The following MARCHF4 variants were observed in gnomAD, a reference collection of about 807,000 sequenced individuals.
MARCHF4 encodes the protein membrane associated ring-CH-type finger 4.
Under a neutral mutation model 43.9 loss-of-function variants are expected in MARCHF4, and 14 were observed. The observed-to-expected ratio is 0.32, with a 90% CI of 0.21 to 0.50. The LOEUF (loss-of-function observed/expected upper bound fraction) is 0.50. Ranked by LOEUF, MARCHF4 falls within the 20% of genes least tolerant of loss-of-function variation. The pLI is 0.98. For missense variants in MARCHF4, 468 were observed against 536.7 expected (o/e 0.87, Z 1.27); for synonymous variants, 226 against 213.3 (o/e 1.06, Z -0.52).
intron 1 of MARCHF4, among the ~76,000 whole-genome samples, chr2:216,312,089 C>T (rs1360060510): frequency 1.3e-5 from 2 of 152,090 alleles, no homozygotes; most frequent in Non-Finnish European, 2.9e-5. Context: ...AAATAGTGAA[C>T]ATTGTGTCCA....
intron 2 of MARCHF4, 79 bp from the exon 3 acceptor site, chr2:216,277,943 C>A: frequency 1.5e-6 from 2 of 1,313,310 alleles, no homozygotes; most frequent in Non-Finnish European, 2.1e-6. Flanking sequence ...TCTGCTGCTC[C>A]AACAGCTCAC....
At chr2:216,359,769 G>A (rs557113657) in intron 1 of MARCHF4, among the ~76,000 whole-genome samples, 1 of 152,306 alleles carries the variant, frequency 6.6e-6, no homozygotes, top group Admixed American at 6.5e-5. Flanking sequence ...CTCTAAAAAC[G>A]AAGTAGTACC....
intron 1 of MARCHF4, among the ~76,000 whole-genome samples, chr2:216,341,516 G>T (rs893884665): frequency 3.3e-5 from 5 of 152,202 alleles, no homozygotes; most frequent in African/African-American, 1.2e-4. Flanking sequence ...CAAAGGAAGG[G>T]GAGGGCAAGG....
At chr2:216,327,084 C>T (rs891621099) in intron 1 of MARCHF4, among the ~76,000 whole-genome samples, 25 of 152,172 alleles carry the variant, frequency 1.6e-4, no homozygotes, top group African/African-American at 5.8e-4. Context: ...TACTAAGTGA[C>T]TGATACAGGT....
chr2:216,297,699 A>G (rs909369189), intron 1 of MARCHF4, among the ~76,000 whole-genome samples: 44 of 152,174 alleles, frequency 2.9e-4, no homozygotes, highest in African/African-American at 1.0e-3. Context: ...TATTTTTAGT[A>G]GAGACAGGGT....
chr2:216,265,145 T>C (rs1690824165), intron 3 of MARCHF4, among the ~76,000 whole-genome samples: 1 of 152,168 alleles, frequency 6.6e-6, no homozygotes, highest in Non-Finnish European at 1.5e-5. Flanking sequence ...GAAAGGCTGC[T>C]GGTGAACAGA....
At chr2:216,341,922 A>C (rs1692244002) in intron 1 of MARCHF4, among the ~76,000 whole-genome samples, 1 of 152,190 alleles carries the variant, frequency 6.6e-6, no homozygotes, top group Non-Finnish European at 1.5e-5. Flanking sequence ...CGGCAATATT[A>C]AATATCAGCC....
chr2:216,258,130 G>A lies in MARCHF4; in HGVS notation c.*1182C>T, dbSNP rs1204133149. 1 of 152,174 alleles carries A rather than the reference G, an allele frequency of 6.6e-6. No homozygotes were observed. Among genetic ancestry groups the A allele is most frequent in the Admixed American group, 6.5e-5 (1 of 15,272 alleles). 9.4% of individuals were successfully genotyped at this position (152,174 alleles called of 1,614,324 possible). A position where few individuals can be genotyped will look rare whatever the true frequency, so the allele number is the denominator to read the frequency against. ...CACCCTTGGGCCCACCTGGCTACGCGGGAAGGAGCAGGGAGCACAAAGCAC... is the reference window on the plus strand; with the variant it reads ...CACCCTTGGGCCCACCTGGCTACGCAGGAAGGAGCAGGGAGCACAAAGCAC... On this transcript the variant is annotated 3_prime_UTR_variant, in exon 4 of 4. Transcript: ENST00000273067.
intron 1 of MARCHF4, among the ~76,000 whole-genome samples, chr2:216,315,918 G>A (rs571699649): frequency 4.2e-4 from 64 of 152,234 alleles, no homozygotes; most frequent in Admixed American, 7.2e-4. Context: ...CATCTATTTC[G>A]CTTCCTGGGA....
At chr2:216,351,785 C>T (rs1227872058) in intron 1 of MARCHF4, among the ~76,000 whole-genome samples, 8 of 152,194 alleles carry the variant, frequency 5.3e-5, no homozygotes, top group Non-Finnish European at 1.5e-5. Flanking sequence ...GAAGGAAGGT[C>T]CCTTTCTCAA....
chr2:216,315,620 G>A (rs1691761097), intron 1 of MARCHF4, among the ~76,000 whole-genome samples: 1 of 152,174 alleles, frequency 6.6e-6, no homozygotes, highest in Non-Finnish European at 1.5e-5. Flanking sequence ...AAGATGTTGA[G>A]TAGAAAAGTG....
chr2:216,295,069 T>C (rs1352626745), intron 1 of MARCHF4, among the ~76,000 whole-genome samples: 1 of 152,136 alleles, frequency 6.6e-6, no homozygotes, highest in Non-Finnish European at 1.5e-5. Context: ...CTAGGTATTG[T>C]CCTGAGCACC....
chr2:216,304,944 A>G (rs1691558591), intron 1 of MARCHF4, among the ~76,000 whole-genome samples: 1 of 151,764 alleles, frequency 6.6e-6, no homozygotes, highest in African/African-American at 2.4e-5. Flanking sequence ...ACACAGTGAG[A>G]CTCCGTCTCA....
At chr2:216,281,474 T>C (rs536378028) in intron 2 of MARCHF4, among the ~76,000 whole-genome samples, 81 of 152,314 alleles carry the variant, frequency 5.3e-4, no homozygotes, top group African/African-American at 1.7e-3. Context: ...TCCCATCCAT[T>C]GCTCCGCCCA....
intron 3 of MARCHF4, among the ~76,000 whole-genome samples, chr2:216,276,928 G>A (rs1559087594): frequency 1.3e-5 from 2 of 152,168 alleles, no homozygotes; most frequent in African/African-American, 4.8e-5. Context: ...TAAACTTGGG[G>A]ATGGGGTCAG....
At chr2:216,369,026 T>G (rs891749380) in intron 1 of MARCHF4, among the ~76,000 whole-genome samples, 1 of 152,202 alleles carries the variant, frequency 6.6e-6, no homozygotes, top group Non-Finnish European at 1.5e-5. Flanking sequence ...ACACACTTTT[T>G]AGGTCTGAAA....
In MARCHF4 at chr2:216,259,285, C is replaced by A; in HGVS notation, c.*27G>T. 6.6e-7 allele frequency: 1 copy of A among 1,515,984 alleles called. No individual in the cohort carries two copies. The highest frequency in any genetic ancestry group is 1.3e-5 in the South Asian group (1 of 74,940). 93.9% of individuals were successfully genotyped at this position (1,515,984 alleles called of 1,614,324 possible). A position where few individuals can be genotyped will look rare whatever the true frequency, so the allele number is the denominator to read the frequency against. On this transcript the variant is annotated 3_prime_UTR_variant, in exon 4 of 4. Coordinates refer to ENST00000273067, the MANE Select transcript of MARCHF4 (RefSeq NM_020814.3). ...CCTGCTCCGGGCCCTCAGTGGTGGTCATGGCCTTCCTTCCGGGCCTCTGCT... is the reference window on the plus strand; with the variant it reads ...CCTGCTCCGGGCCCTCAGTGGTGGTAATGGCCTTCCTTCCGGGCCTCTGCT...
chr2:216,275,335 G>A (rs1445654480), intron 3 of MARCHF4, among the ~76,000 whole-genome samples: 8 of 152,184 alleles, frequency 5.3e-5, no homozygotes, highest in Non-Finnish European at 1.0e-4. Flanking sequence ...GCCAGGCTGA[G>A]CGGGAGTGCT....
chr2:216,350,534 C>G (rs1248415957), intron 1 of MARCHF4, among the ~76,000 whole-genome samples: 1 of 152,000 alleles, frequency 6.6e-6, no homozygotes, highest in Non-Finnish European at 1.5e-5. Flanking sequence ...CACCACCACA[C>G]TGTGCCACAC....
Sources: gnomAD v4.1 joint callset for allele counts (sites outside exome capture counted in the v4.1 genomes callset) on GRCh38, gnomAD v4.1.1 for gene constraint, MANE v1.5 for transcripts, NCBI Gene and HGNC (gene_info 2026-07-23, HGNC 2026-07-21) for gene names.